The following JPH3 variants were observed in gnomAD, a reference collection of about 807,000 sequenced individuals.
The protein encoded by JPH3 is junctophilin-3.
In JPH3, 11 loss-of-function variants were observed where a neutral mutation model predicts 59.6. That is an observed-to-expected ratio of 0.18 (90% confidence interval 0.12 to 0.31). The LOEUF is 0.31. Ranked by LOEUF, JPH3 falls within the 10% of genes least tolerant of loss-of-function variation. The pLI, the probability that JPH3 is intolerant of heterozygous loss-of-function variation, is 1.00. For missense variants in JPH3, 1,202 were observed against 1,105.7 expected (o/e 1.09, Z -1.24); for synonymous variants, 673 against 483.6 (o/e 1.39, Z -5.14).
chr16:87,667,514 G>T (rs942124452), intron 2 of JPH3, among the ~76,000 whole-genome samples: 6 of 152,210 alleles, frequency 3.9e-5, no homozygotes, highest in African/African-American at 1.2e-4. Context: ...AGTCGGGAGC[G>T]TGAGGACCCT....
chr16:87,634,572 G>A (rs1356335342), intron 1 of JPH3, among the ~76,000 whole-genome samples: 1 of 152,146 alleles, frequency 6.6e-6, no homozygotes, highest in Non-Finnish European at 1.5e-5. Context: ...CCTCCCAGCC[G>A]CAGAGCCACC....
chr16:87,626,431 C>T (rs1259127798), intron 1 of JPH3, among the ~76,000 whole-genome samples: 1 of 152,226 alleles, frequency 6.6e-6, no homozygotes, highest in Non-Finnish European at 1.5e-5. Flanking sequence ...ACCACCACGG[C>T]CATTGAGCCC....
At chr16:87,620,499 G>C (rs147124640) in intron 1 of JPH3, among the ~76,000 whole-genome samples, 2,138 of 136,132 alleles carry the variant, frequency 0.016, 53 homozygotes, top group African/African-American at 0.056. Context: ...GAGGGGGAGG[G>C]GAAGAAGGAG....
chr16:87,637,752 C>T (rs1597252015), intron 1 of JPH3, among the ~76,000 whole-genome samples: 1 of 151,026 alleles, frequency 6.6e-6, no homozygotes, highest in Non-Finnish European at 1.5e-5. Flanking sequence ...GGAAAGCAGA[C>T]TCCCTGTGCC....
chr16:87,650,967 A>G (rs577323273), intron 2 of JPH3, among the ~76,000 whole-genome samples: 4 of 152,392 alleles, frequency 2.6e-5, no homozygotes, highest in African/African-American at 7.2e-5. Context: ...AGGAGATTCC[A>G]TCTAGGACTT....
At chr16:87,604,543 C>G in intron 1 of JPH3, 3 of 1,257,806 alleles carry the variant, frequency 2.4e-6, no homozygotes, top group Non-Finnish European at 3.0e-6. Context: ...TCGGGCGGCT[C>G]GCCTGTTTCA....
At chr16:87,620,492 G>GGAGAGAAGAGAGGGAGA (rs1567585004) in intron 1 of JPH3, among the ~76,000 whole-genome samples, 182 of 65,814 alleles carry the variant, frequency 2.8e-3, no homozygotes, top group Middle Eastern at 0.015. Context: ...AGAGGGAGAG[G>GGAGAGAAGAGAGGGAGA]GGGAGGGGAA....
At chr16:87,622,178 G>A (rs946694516) in intron 1 of JPH3, among the ~76,000 whole-genome samples, 9 of 152,152 alleles carry the variant, frequency 5.9e-5, no homozygotes, top group African/African-American at 1.7e-4. Flanking sequence ...CTCTGCCGCC[G>A]TCTGCCCCAG....
intron 1 of JPH3, among the ~76,000 whole-genome samples, chr16:87,629,296 TACAAA>T (rs148276604): frequency 0.074 from 11,266 of 152,234 alleles, 542 homozygotes; most frequent in Non-Finnish European, 0.11. Context: ...CTGTCCCCAC[TACAAA>T]ACAAAAGGCA....
intron 4 of JPH3, chr16:87,696,239 C>G: frequency 2.3e-6 from 1 of 435,318 alleles, no homozygotes; most frequent in Non-Finnish European, 4.4e-6. Context: ...AAAGGCCACA[C>G]GCACCGAGAC....
intron 2 of JPH3, among the ~76,000 whole-genome samples, chr16:87,649,333 G>A (rs752424027): frequency 1.4e-4 from 21 of 152,184 alleles, no homozygotes; most frequent in Non-Finnish European, 2.4e-4. Flanking sequence ...CACTCAAGAC[G>A]TTTTCATGAC....
At chr16:87,631,127 G>T (rs1027371204) in intron 1 of JPH3, among the ~76,000 whole-genome samples, 1 of 152,144 alleles carries the variant, frequency 6.6e-6, no homozygotes, top group African/African-American at 2.4e-5. Flanking sequence ...GCCAGATTCA[G>T]TAATACACAC....
chr16:87,607,989 C>T (rs544981629), intron 1 of JPH3, among the ~76,000 whole-genome samples: 15 of 152,372 alleles, frequency 9.8e-5, no homozygotes, highest in African/African-American at 3.1e-4. Context: ...AGCTGAGAAA[C>T]AAATGTGGCT....
chr16:87,615,432 C>T (rs540933737), intron 1 of JPH3, among the ~76,000 whole-genome samples: 1 of 152,204 alleles, frequency 6.6e-6, no homozygotes, highest in Non-Finnish European at 1.5e-5. Context: ...TCTCCCAGCT[C>T]GGCATGGACT....
intron 1 of JPH3, among the ~76,000 whole-genome samples, chr16:87,635,783 C>A (rs1390438000): frequency 6.6e-6 from 1 of 152,202 alleles, no homozygotes; most frequent in Admixed American, 6.5e-5. Context: ...CCACCCACGT[C>A]TTCCGACTTC....
Position 87,634,214 on chromosome 16 carries a change from A to T in JPH3, c.383-10044A>T, listed in dbSNP as rs8044100. 5.9e-3 allele frequency among the ~76,000 whole-genome samples: 896 copies of T among 152,244 alleles called. 14 individuals are homozygous for T. Among genetic ancestry groups the T allele is most frequent in the African/African-American group, 0.02 (829 of 41,550 alleles). On this transcript the variant is annotated intron_variant, in intron 1 of 4. Coordinates refer to ENST00000284262, the MANE Select transcript of JPH3 (RefSeq NM_020655.4). ...TCACTGTCACGTTGGACCTGTGCCC[A>T]GGGTCTGGTCCCTGATCTGTGAGGG... is the stretch of plus-strand genomic sequence containing the variant.
chr16:87,690,138 A>G lies in JPH3; in HGVS notation c.1778A>G (p.His593Arg), dbSNP rs2033528029. The change falls in exon 4 of 5, where the codon CAC becomes CGC. Residue 593 changes from histidine (H) to arginine (R), a missense_variant. Physicochemically the swap from His to Arg is conservative, Grantham distance 29. Coordinates refer to ENST00000284262, the MANE Select transcript of JPH3 (RefSeq NM_020655.4). ...ACTTCCCACCACCGGGCCAGCAACC[A>G]CAGCCCCGGAGGCTCCAGGCTGCTG... ...TWTSHHRASN[H>R]SPGGSRLLEL... 9 of 1,594,382 alleles carry G rather than the reference A, an allele frequency of 5.6e-6. No individual in the cohort carries two copies. Among genetic ancestry groups the G allele is most frequent in the African/African-American group, 1.3e-5 (1 of 74,394 alleles).
At chr16:87,676,479 T>C (rs936248483) in intron 2 of JPH3, among the ~76,000 whole-genome samples, 9 of 152,212 alleles carry the variant, frequency 5.9e-5, no homozygotes, top group African/African-American at 2.2e-4. Context: ...TTCACACCTG[T>C]AATCTCAGCA....
At chr16:87,616,748 C>A (rs1327735777) in intron 1 of JPH3, among the ~76,000 whole-genome samples, 2 of 152,268 alleles carry the variant, frequency 1.3e-5, no homozygotes, top group Admixed American at 1.3e-4. Context: ...GCCCCGGGGT[C>A]CCTTGTGTTG....
Sources: allele counts gnomAD v4.1 joint callset (sites outside exome capture counted in the v4.1 genomes callset), GRCh38; gene constraint gnomAD v4.1.1; transcripts MANE v1.5; gene names NCBI Gene and HGNC (gene_info 2026-07-23, HGNC 2026-07-21).